The following ATG2B variants were observed in gnomAD, a reference collection of about 807,000 sequenced individuals.
The protein encoded by ATG2B is autophagy related 2B, also known as autophagy-related protein 2 homolog B.
Under a neutral mutation model 241.3 loss-of-function variants are expected in ATG2B, and 121 were observed. The ratio of observed to expected loss-of-function variants is 0.50; its 90% CI spans 0.43 to 0.58. The LOEUF (loss-of-function observed/expected upper bound fraction) is 0.58, where lower values mean the gene tolerates loss of function less well. ATG2B is among the 20% of genes least tolerant of loss of function. ATG2B has a pLI of 0.00. For synonymous variants in ATG2B, 858 were observed against 876.6 expected, an observed-to-expected ratio of 0.98 and a Z score of 0.37; for missense variants, 2,306 against 2,491.6, an observed-to-expected ratio of 0.93 and a Z score of 1.59.
At chr14:96,359,255 C>A (rs1353012827) in intron 1 of ATG2B, among the ~76,000 whole-genome samples, 1 of 151,870 alleles carries the variant, frequency 6.6e-6, no homozygotes, top group East Asian at 1.9e-4. Context: ...ACCTGTAGTC[C>A]CAGCTACTGC....
At position 96,332,719 on chromosome 14, in the gene ATG2B, T is replaced by A. The variant is rs986549058; in HGVS notation, c.1208-64A>T. The A allele has an allele frequency of 7.8e-6, 10 of 1,278,678 alleles. No homozygotes were observed. In the South Asian group the frequency reaches 1.1e-4, roughly 14 times the overall value. 79.2% of individuals were successfully genotyped at this position (1,278,678 alleles called of 1,614,324 possible). A position where few individuals can be genotyped will look rare whatever the true frequency, so the allele number is the denominator to read the frequency against. On this transcript the variant is annotated intron_variant, in intron 8 of 41. Coordinates refer to ENST00000359933, the MANE Select transcript of ATG2B (RefSeq NM_018036.7). Reference sequence around the variant, plus strand: ...CACCAATTCAAGTCTTTTAAGTAAGTTAATATACGTTAATACAATCCTCTT... The same window carrying A: ...CACCAATTCAAGTCTTTTAAGTAAGATAATATACGTTAATACAATCCTCTT...
Position 96,306,749 on chromosome 14 carries a change from A to T in ATG2B, c.4471T>A (p.Phe1491Ile), listed in dbSNP as rs373033699. The T allele has an allele frequency of 6.2e-7, 1 of 1,613,930 alleles. No homozygotes were observed. Among genetic ancestry groups the T allele is most frequent in the African/African-American group, 1.3e-5 (1 of 74,926 alleles). The part of the protein sequence containing the change: ...MTGVPTENDD[F>I]CILFAPKAAM... ...GCTTTTGGTGCAAAAAGAATGCAAA[A>T]GTCATCATTCTCAGTGGGCACACCT... is the stretch of plus-strand genomic sequence containing the variant. The change falls in exon 30 of 42, where the codon TTT becomes ATT. Residue 1491 changes from phenylalanine to isoleucine, a missense_variant. Transcript: ENST00000359933.
At chr14:96,329,461 A>G (rs1278508917) in intron 12 of ATG2B, 23 bp downstream of exon 12, 1 of 1,505,054 alleles carries the variant, frequency 6.6e-7, no homozygotes, top group Non-Finnish European at 8.9e-7. Context: ...AATAATCTTA[A>G]AGAAAAAGTA....
chr14:96,354,181 T>C (rs1288097299), intron 1 of ATG2B, among the ~76,000 whole-genome samples: 1 of 152,214 alleles, frequency 6.6e-6, no homozygotes, highest in Admixed American at 6.5e-5. Flanking sequence ...ACATCCAGGT[T>C]TGTTACATAC....
intron 1 of ATG2B, 27 bp from the exon 2 acceptor site, chr14:96,347,368 G>T (rs768199810): frequency 1.3e-5 from 20 of 1,511,014 alleles, no homozygotes; most frequent in Non-Finnish European, 1.7e-5. Flanking sequence ...GGTTCATTAT[G>T]AATCACAAGA....
intron 1 of ATG2B, among the ~76,000 whole-genome samples, chr14:96,360,933 CAAAAAAA>C (rs35630598): frequency 8.1e-5 from 6 of 73,710 alleles, no homozygotes; most frequent in East Asian, 3.6e-4. Context: ...AATCCTCTAC[CAAAAAAA>C]AAAAAAAAAA....
rs2139835071 is a variant in ATG2B at position 96,289,455 on chromosome 14, A to G, written c.6006+201T>C. On this transcript the variant is annotated intron_variant, in intron 41 of 41. Coordinates refer to ENST00000359933, the MANE Select transcript of ATG2B (RefSeq NM_018036.7). This position sits in a 1 kb window ranked among gnomAD's most constrained non-coding sequence, Gnocchi z 4.3. ...GAATCCATCCACCCACGCAATCACTAGTATTCCTGTCAGCCTATTGGTCCC... is the reference window on the plus strand; with the variant it reads ...GAATCCATCCACCCACGCAATCACTGGTATTCCTGTCAGCCTATTGGTCCC... 5.4e-6 allele frequency: 3 copies of G among 550,990 alleles called. No homozygotes were observed. The highest frequency in any genetic ancestry group is 6.1e-5 in the East Asian group (2 of 32,638). The allele number at this position is 550,990 out of a possible 1,614,324, so 34.1% of individuals were successfully genotyped here.
At chr14:96,295,647 A>AT in intron 34 of ATG2B, 87 bp from the exon 35 acceptor site, 1 of 813,376 alleles carries the variant, frequency 1.2e-6, no homozygotes, top group Non-Finnish European at 1.9e-6. Flanking sequence ...AAACTCATAT[A>AT]TTTTACTCAT....
At chr14:96,293,212 C>G (rs75821284) in intron 36 of ATG2B, 5,472 of 152,186 alleles carry the variant, frequency 0.036, 143 homozygotes, top group Non-Finnish European at 0.048. Flanking sequence ...AAGTCCACTG[C>G]GCCTACAACA....
intron 41 of ATG2B, among the ~76,000 whole-genome samples, chr14:96,286,703 A>G (rs1566711174): frequency 6.6e-6 from 1 of 152,200 alleles, no homozygotes; most frequent in South Asian, 2.1e-4. Flanking sequence ...AAAACTTCAC[A>G]TGACTTCTGA....
At chr14:96,323,007 A>G (rs1431150100) in intron 16 of ATG2B, among the ~76,000 whole-genome samples, 5 of 152,204 alleles carry the variant, frequency 3.3e-5, no homozygotes, top group African/African-American at 1.2e-4. Flanking sequence ...AATTTCATTA[A>G]AAGTCAGCAA....
Position 96,289,681 on chromosome 14 carries a change from G to A in ATG2B, c.5981C>T (p.Ala1994Val), listed in dbSNP as rs768575219. ...HQPVDLREGV[A>V]KAYSVVKEGI... is the part of the protein sequence containing the mutation. Reference sequence around the variant, plus strand: ...CTCTTTCACAACACTGTAGGCCTTGGCCACACCTTCCCTCAGGTCTACTGG... The same window carrying A: ...CTCTTTCACAACACTGTAGGCCTTGACCACACCTTCCCTCAGGTCTACTGG... Residue 1994 changes from alanine (A) to valine (V), a missense_variant, in exon 41 of 42, where the codon GCC becomes GTC. Ala to Val is a moderately conservative substitution (Grantham distance 64). Around this residue, in one of 2 missense-constraint regions of ATG2B, gnomAD observed 379 missense variants for 480.4 expected, o/e 0.79. Transcript: ENST00000359933. The surrounding 1 kb of genome is among the most constrained non-coding windows in gnomAD (Gnocchi z 4.3). 6.2e-7 allele frequency: 1 copy of A among 1,614,178 alleles called. No individual in the cohort carries two copies. Among genetic ancestry groups the A allele is most frequent in the South Asian group, 1.1e-5 (1 of 91,078 alleles).
Position 96,362,827 on chromosome 14 carries a change from G to C in ATG2B, c.150C>G (p.Pro50=), listed in dbSNP as rs987246411. The C allele has an allele frequency of 1.2e-6, 2 of 1,607,596 alleles. No individual in the cohort carries two copies. Among genetic ancestry groups the C allele is most frequent in the Admixed American group, 1.7e-5 (1 of 59,586 alleles). Reference sequence around the variant, plus strand: ...CGGCAGCTCTTACCCATTTGTCCAAGGGGACCTGGGCGAGGGACCCGGTGC... The same window carrying C: ...CGGCAGCTCTTACCCATTTGTCCAACGGGACCTGGGCGAGGGACCCGGTGC... The part of the protein sequence containing the change: ...YQGTGSLAQV[P]LDKWCLNEIL... The change falls in exon 1 of 42, where the codon CCC becomes CCG. Residue 50 remains proline, a synonymous_variant. Transcript: ENST00000359933.
At chr14:96,341,912 A>G (rs1350536089) in intron 5 of ATG2B, among the ~76,000 whole-genome samples, 3 of 152,220 alleles carry the variant, frequency 2.0e-5, no homozygotes, top group East Asian at 3.9e-4. Context: ...CAAGTCATGA[A>G]AAAGGACTTC....
In ATG2B at chr14:96,332,652, T is replaced by A. The variant is rs754090320; in HGVS notation, c.1211A>T (p.Glu404Val). ...ETARTPSSRE[E>V]EVFFSMADMD... ...ATCAGCCATGGAGAAGAATACTTCT[T>A]CTTCTAGAGAGAATTAAACTATGTC... The change falls in exon 9 of 42, where the codon GAA (glutamate) becomes GTA (valine). Residue 404 changes from glutamate to valine, a missense_variant. Glu to Val is a moderately radical substitution (Grantham distance 121). This residue lies in a region of ATG2B where 1,927 missense variants were observed against 2,011.2 expected (regional missense o/e 0.96). Transcript: ENST00000359933. 9 of 1,555,840 alleles carry A rather than the reference T, an allele frequency of 5.8e-6. No homozygotes were observed. In the South Asian group the frequency reaches 1.1e-4, roughly 20 times the overall value.
Position 96,292,015 on chromosome 14 carries a change from T to C in ATG2B, c.5496+14A>G. 6.4e-7 allele frequency: 1 copy of C among 1,561,464 alleles called. No homozygotes were observed. Among genetic ancestry groups the C allele is most frequent in the Non-Finnish European group, 8.7e-7 (1 of 1,147,072 alleles). On this transcript the variant is annotated intron_variant, in intron 37 of 41. Transcript: ENST00000359933. ...ATGATAATTTTGTGGAGTATATTTG[T>C]AGAGTTTCCCAACCTGATCCATTGA...
intron 6 of ATG2B, among the ~76,000 whole-genome samples, chr14:96,339,085 T>C (rs144960220): frequency 8.7e-4 from 133 of 152,136 alleles, no homozygotes; most frequent in African/African-American, 2.9e-3. Flanking sequence ...AGATACCACC[T>C]TACTCCTGCA....
At chr14:96,349,551 G>A (rs988352307) in intron 1 of ATG2B, among the ~76,000 whole-genome samples, 1 of 152,180 alleles carries the variant, frequency 6.6e-6, no homozygotes, top group African/African-American at 2.4e-5. Flanking sequence ...GCAACACTGA[G>A]GACAGTCACA....
In ATG2B at chr14:96,289,695, C is replaced by T. The variant is rs1388547341; in HGVS notation, c.5967G>A (p.Leu1989=). ...HHRLAHQPVD[L]REGVAKAYSV... is the part of the protein sequence containing the mutation. ...TGTAGGCCTTGGCCACACCTTCCCT[C>T]AGGTCTACTGGCTGGTGGGCTAACC... The change falls in exon 41 of 42, where the codon CTG becomes CTA. Residue 1989 remains leucine (L), a synonymous_variant. Coordinates refer to ENST00000359933, the MANE Select transcript of ATG2B (RefSeq NM_018036.7). This position sits in a 1 kb window ranked among gnomAD's most constrained non-coding sequence, Gnocchi z 4.3. 1 of 1,614,194 alleles carries T rather than the reference C, an allele frequency of 6.2e-7. No homozygotes were observed. Among genetic ancestry groups the T allele is most frequent in the East Asian group, 2.2e-5 (1 of 44,882 alleles).
Sources: allele counts gnomAD v4.1 joint callset (sites outside exome capture counted in the v4.1 genomes callset), GRCh38; gene constraint gnomAD v4.1.1; regional missense constraint gnomAD v4.1.1; non-coding constraint Gnocchi (gnomAD v3.1); transcripts MANE v1.5; gene names NCBI Gene and HGNC (gene_info 2026-07-23, HGNC 2026-07-21).